Variants in ZNF878 observed in about 807,000 individuals in gnomAD.
ZNF878 encodes zinc finger protein 878.
ZNF878 carries 10 observed loss-of-function variants against 11.1 expected under a neutral mutation model. That is an observed-to-expected ratio of 0.90 (90% confidence interval 0.56 to 1.53). ZNF878 has a LOEUF of 1.53. ZNF878 is among the 40% of genes most tolerant of loss of function. The pLI is 0.00. For synonymous variants in ZNF878, 165 were observed against 209.7 expected (o/e 0.79, Z 1.84); for missense variants, 548 against 626.1 (o/e 0.88, Z 1.33).
In ZNF878 at chr19:12,043,921, A is replaced by G. The variant is rs1302217202; in HGVS notation, c.1480T>C (p.Phe494Leu). 3.1e-6 allele frequency: 5 copies of G among 1,613,382 alleles called. No homozygotes were observed. Among genetic ancestry groups the G allele is most frequent in the Non-Finnish European group, 4.2e-6 (5 of 1,179,896 alleles). The change falls in exon 4 of 4, where the codon TTT (phenylalanine) becomes CTT (leucine). Residue 494 changes from phenylalanine (F) to leucine (L), a missense_variant. Transcript: ENST00000547628. ...GTATGAATCCTTTCATGGTAGAGAAAAGAGTTGGAAGAAATGAAGGCTTTC... is the reference window on the plus strand; with the variant it reads ...GTATGAATCCTTTCATGGTAGAGAAGAGAGTTGGAAGAAATGAAGGCTTTC... ...CGKAFISSNS[F>L]LYHERIHTGE... is the part of the protein sequence containing the mutation.
intron 1 of ZNF878, among the ~76,000 whole-genome samples, chr19:12,051,095 C>CAA (rs370628123): frequency 3.5e-3 from 127 of 36,090 alleles, no homozygotes; most frequent in East Asian, 7.8e-3. Context: ...GACTCCGTCT[C>CAA]AAAAAAAAAA....
chr19:12,046,536 A>C (rs1975490698), intron 2 of ZNF878, 98 bp downstream of exon 2: 1 of 1,577,812 alleles, frequency 6.3e-7, no homozygotes, highest in South Asian at 1.1e-5. Context: ...ATTTATTCAA[A>C]GTATTCCCTG....
At chr19:12,049,292 C>T (rs1299551534) in intron 1 of ZNF878, among the ~76,000 whole-genome samples, 9 of 151,048 alleles carry the variant, frequency 6.0e-5, no homozygotes, top group Non-Finnish European at 1.3e-4. Flanking sequence ...GAAACCCCAT[C>T]TCTACTAAAA....
At chr19:12,046,027 CT>C (rs1458727671) in intron 3 of ZNF878, 2 of 197,396 alleles carry the variant, frequency 1.0e-5, no homozygotes, top group Non-Finnish European at 2.0e-5. Context: ...CTTTTACATG[CT>C]ATTTTAAAGT....
chr19:12,048,512 C>T (rs1418901628), intron 1 of ZNF878, among the ~76,000 whole-genome samples: 1 of 139,622 alleles, frequency 7.2e-6, no homozygotes, highest in Non-Finnish European at 1.5e-5. Context: ...AACGAGACTC[C>T]ATCTCAAAAA....
chr19:12,049,493 C>T (rs1173837188), intron 1 of ZNF878, among the ~76,000 whole-genome samples: 1 of 68,744 alleles, frequency 1.5e-5, no homozygotes, highest in Non-Finnish European at 3.1e-5. Context: ...AATAACAGGC[C>T]GGGCACAGTG....
In ZNF878 at chr19:12,052,657, C is replaced by T. The variant is rs575837975; in HGVS notation, c.3+142G>A. On this transcript the variant is annotated intron_variant, in intron 1 of 3. Transcript: ENST00000547628. ...CAGCTCCACCCAGCGGCCGAGGGGA[C>T]CGAGGGCCGAGCTGCGCTAGGGGGA... is the stretch of plus-strand genomic sequence containing the variant. The T allele has an allele frequency of 7.2e-5, 76 of 1,061,778 alleles. 1 individual carries two copies. The South Asian group carries it at 1.4e-3, about 20-fold the overall frequency. The allele number at this position is 1,061,778 out of a possible 1,614,324, so 65.8% of individuals were successfully genotyped here. A position where few individuals can be genotyped will look rare whatever the true frequency, so the allele number is the denominator to read the frequency against.
chr19:12,052,942 G>C lies in ZNF878; in HGVS notation c.-141C>G. On this transcript the variant is annotated 5_prime_UTR_variant, in exon 1 of 4. Transcript: ENST00000547628. ...GCAAGAAAGCCCCAGACCTTAACTA[G>C]CGCGAGCAGCCCTAGGAGTGAAGAG... 1.5e-6 allele frequency: 2 copies of C among 1,366,698 alleles called. No individual in the cohort carries two copies. Among genetic ancestry groups the C allele is most frequent in the Non-Finnish European group, 2.0e-6 (2 of 1,009,182 alleles). The allele number at this position is 1,366,698 out of a possible 1,614,324, so 84.7% of individuals were successfully genotyped here.
intron 1 of ZNF878, among the ~76,000 whole-genome samples, chr19:12,048,531 A>G (rs1975518016): frequency 6.6e-6 from 1 of 150,498 alleles, no homozygotes; most frequent in African/African-American, 2.4e-5. Flanking sequence ...AAAAGAAAAA[A>G]AAAAAAGAAA....
chr19:12,048,639 G>T (rs1051279226), intron 1 of ZNF878, among the ~76,000 whole-genome samples: 6 of 151,780 alleles, frequency 4.0e-5, no homozygotes, highest in African/African-American at 1.5e-4. Context: ...TTCGAGACCA[G>T]CCTGGCCAAC....
At position 12,049,662 on chromosome 19, in the gene ZNF878, C is replaced by T. The variant is rs372413175; in HGVS notation, c.4-2902G>A. Reference sequence around the variant, plus strand: ...GCGCATGCCTGTAATCCCAGCTACTCGGGAGGCTGAGGCAGGAGAATCACT... The same window carrying T: ...GCGCATGCCTGTAATCCCAGCTACTTGGGAGGCTGAGGCAGGAGAATCACT... On this transcript the variant is annotated intron_variant, in intron 1 of 3. Transcript: ENST00000547628. Among the ~76,000 whole-genome samples, 32 of 146,154 alleles carry T rather than the reference C, an allele frequency of 2.2e-4. No homozygotes were observed. In the East Asian group the frequency reaches 4.0e-3, roughly 18 times the overall value.
rs945156241 is a variant in ZNF878, at chr19:12,046,180, T to A, written c.191+188A>T. On this transcript the variant is annotated intron_variant, in intron 3 of 3. Coordinates refer to ENST00000547628, the MANE Select transcript of ZNF878 (RefSeq NM_001080404.3). The stretch of plus-strand genomic sequence containing the variant: ...ACTCCCAGGTTCAAGCGATCTTCCA[T>A]CCTGACCTCCAAAAGGGCTGGATTA... 8 of 521,502 alleles carry A rather than the reference T, an allele frequency of 1.5e-5. No individual in the cohort carries two copies. In the African/African-American group the frequency reaches 1.6e-4, roughly 10 times the overall value. 32.3% of individuals were successfully genotyped at this position (521,502 alleles called of 1,614,324 possible). A position where few individuals can be genotyped will look rare whatever the true frequency, so the allele number is the denominator to read the frequency against.
chr19:12,048,352 A>C (rs1337737855), intron 1 of ZNF878, among the ~76,000 whole-genome samples: 1 of 151,138 alleles, frequency 6.6e-6, no homozygotes, highest in East Asian at 2.0e-4. Context: ...CCGCATCTCT[A>C]CTAAAAATAC....
Position 12,052,855 on chromosome 19 carries a change from A to G in ZNF878, c.-54T>C. On this transcript the variant is annotated 5_prime_UTR_variant, in exon 1 of 4. Coordinates refer to ENST00000547628, the MANE Select transcript of ZNF878 (RefSeq NM_001080404.3). Reference sequence around the variant, plus strand: ...TCTCTAAAGGTCCCGTGAACAGTGCAGGTCACAGCGCAGTCGACAGAGCAA... The same window carrying G: ...TCTCTAAAGGTCCCGTGAACAGTGCGGGTCACAGCGCAGTCGACAGAGCAA... 1 of 1,534,694 alleles carries G rather than the reference A, an allele frequency of 6.5e-7. No homozygotes were observed. The highest frequency in any genetic ancestry group is 8.7e-7 in the Non-Finnish European group (1 of 1,146,232).
Position 12,044,322 on chromosome 19 carries a change from GTCCTT to G in ZNF878, c.1074_1078del (p.Glu358AspfsTer9). On this transcript the variant is annotated frameshift_variant, in exon 4 of 4. Coordinates refer to ENST00000547628, the MANE Select transcript of ZNF878 (RefSeq NM_001080404.3). LOFTEE classifies it low-confidence loss of function (END_TRUNC). ...TTCAAAGGGTTTCTCTCCAGTGTGT[GTCCTT>G]TCATGTATTCGAAGATCCTTGACAA... The G allele has an allele frequency of 6.2e-7, 1 of 1,612,144 alleles. No individual in the cohort carries two copies. The highest frequency in any genetic ancestry group is 8.5e-7 in the Non-Finnish European group (1 of 1,178,932).
Position 12,044,313 on chromosome 19 carries a change from C to A in ZNF878, c.1088G>T (p.Gly363Val). The A allele has an allele frequency of 6.2e-7, 1 of 1,612,824 alleles. No homozygotes were observed. The highest frequency in any genetic ancestry group is 8.5e-7 in the Non-Finnish European group (1 of 1,179,120). Reference sequence around the variant, plus strand: ...TTGTTTACATTCAAAGGGTTTCTCTCCAGTGTGTGTCCTTTCATGTATTCG... The same window carrying A: ...TTGTTTACATTCAAAGGGTTTCTCTACAGTGTGTGTCCTTTCATGTATTCG... Reference protein sequence around the residue: ...DLRIHERTHTGEKPFECKQCG... With the variant: ...DLRIHERTHTVEKPFECKQCG... Residue 363 changes from glycine (G) to valine (V), a missense_variant, in exon 4 of 4, where the codon GGA becomes GTA. This residue lies in a region of ZNF878 where 335 missense variants were observed against 358.2 expected (regional missense o/e 0.94). Transcript: ENST00000547628.
rs755254783 is a variant in ZNF878 at position 12,052,806 on chromosome 19, T to C, written c.-5A>G. ...CCAGCACCGCATGCTCACCATTTCC[T>C]GGCTTCCAGGTATTCTGGCGTCCTC... On this transcript the variant is annotated 5_prime_UTR_variant, in exon 1 of 4. Coordinates refer to ENST00000547628, the MANE Select transcript of ZNF878 (RefSeq NM_001080404.3). 1.3e-6 allele frequency: 2 copies of C among 1,535,788 alleles called. No individual in the cohort carries two copies. Among genetic ancestry groups the C allele is most frequent in the South Asian group, 1.2e-5 (1 of 84,054 alleles).
chr19:12,049,478 A>AAAAAAAAAAAAAAAAAAAAAC, intron 1 of ZNF878, among the ~76,000 whole-genome samples: 1 of 148,738 alleles, frequency 6.7e-6, no homozygotes, highest in African/African-American at 2.5e-5. Context: ...AAAAAAAAAA[A>AAAAAAAAAAAAAAAAAAAAAC]AAAGAATAAC....
At position 12,046,657 on chromosome 19, in the gene ZNF878, G is replaced by A; in HGVS notation, c.107C>T (p.Thr36Ile). 1 of 1,613,880 alleles carries A rather than the reference G, an allele frequency of 6.2e-7. No homozygotes were observed. The highest frequency in any genetic ancestry group is 1.1e-5 in the South Asian group (1 of 91,072). ...KNLYREVMQE[T>I]LRNLTSIGKK... ...ACCTATGGAGGTCAGGTTCCTCAAGGTTTCCTGCATCACTTCCCTGTAGAG... is the reference window on the plus strand; with the variant it reads ...ACCTATGGAGGTCAGGTTCCTCAAGATTTCCTGCATCACTTCCCTGTAGAG... Residue 36 changes from threonine (T) to isoleucine (I), a missense_variant, in exon 2 of 4, where the codon ACC becomes ATC. Thr to Ile is a moderately conservative substitution (Grantham distance 89, BLOSUM62 -1). This residue lies in a region of ZNF878 where 160 missense variants were observed against 173.3 expected (regional missense o/e 0.92). Coordinates refer to ENST00000547628, the MANE Select transcript of ZNF878 (RefSeq NM_001080404.3).
Sources: gnomAD v4.1 joint callset for allele counts (sites outside exome capture counted in the v4.1 genomes callset) on GRCh38, gnomAD v4.1.1 for gene constraint, gnomAD v4.1.1 regional missense constraint, MANE v1.5 for transcripts, NCBI Gene and HGNC (gene_info 2026-07-23, HGNC 2026-07-21) for gene names.